GALNT10: variants seen among roughly 807,000 people sequenced by gnomAD.
GALNT10 encodes polypeptide N-acetylgalactosaminyltransferase 10.
In GALNT10, 41 loss-of-function variants were observed where a neutral mutation model predicts 75.0. The observed-to-expected ratio is 0.55, with a 90% CI of 0.43 to 0.71. The LOEUF (loss-of-function observed/expected upper bound fraction) is 0.71, where lower values mean the gene tolerates loss of function less well. Among genes scored for constraint, GALNT10 ranks in the 30% least tolerant of loss-of-function variants. The probability of loss-of-function intolerance (pLI) is 0.00; values close to 1 mark genes in which losing one functional copy is unlikely to be tolerated. For synonymous variants in GALNT10, 302 were observed against 313.0 expected (o/e 0.96, Z 0.37); for missense variants, 727 against 818.5 (o/e 0.89, Z 1.36).
Position 154,257,171 on chromosome 5 carries a change from C to T in GALNT10, c.160-37645C>T, listed in dbSNP as rs568534495. On this transcript the variant is annotated intron_variant, in intron 1 of 11. Transcript: ENST00000297107. ...CAGGTTAAGCAATTGCCCAAAGCTA[C>T]TTATCTAGCCAGTTGCAAAGTCCAA... Among the ~76,000 whole-genome samples, 262 of 152,266 alleles carry T rather than the reference C, an allele frequency of 1.7e-3. 1 individual carries two copies. The highest frequency in any genetic ancestry group is 6.0e-3 in the African/African-American group (249 of 41,548).
Position 154,255,455 on chromosome 5 carries a change from T to G in GALNT10, c.160-39361T>G, listed in dbSNP as rs567577311. On this transcript the variant is annotated intron_variant, in intron 1 of 11. Transcript: ENST00000297107. ...AGAGATGTGATATCATGAGGTCATG[T>G]ATTGGTTGCACCTGATAGAACTTTT... Among the ~76,000 whole-genome samples, 14 of 152,264 alleles carry G rather than the reference T, an allele frequency of 9.2e-5. No individual in the cohort carries two copies. In the East Asian group the frequency reaches 2.7e-3, roughly 30 times the overall value.
At chr5:154,331,021 C>G (rs796394797) in intron 4 of GALNT10, among the ~76,000 whole-genome samples, 10 of 152,156 alleles carry the variant, frequency 6.6e-5, no homozygotes, top group African/African-American at 2.4e-4. Flanking sequence ...CATTCTCGTG[C>G]TACCCTTTAC....
In GALNT10 at chr5:154,341,601, T is replaced by G. The variant is rs542072430; in HGVS notation, c.568+11863T>G. Among the ~76,000 whole-genome samples the G allele has an allele frequency of 8.5e-5, 13 of 152,234 alleles. No individual in the cohort carries two copies. In the South Asian group the frequency reaches 1.5e-3, roughly 17 times the overall value. ...GGCTCTGTTAATAGAAAACTCAAACTAACAATTACTTCCCAGAGCCTCCAC... is the reference window on the plus strand; with the variant it reads ...GGCTCTGTTAATAGAAAACTCAAACGAACAATTACTTCCCAGAGCCTCCAC... On this transcript the variant is annotated intron_variant, in intron 4 of 11. Coordinates refer to ENST00000297107, the MANE Select transcript of GALNT10 (RefSeq NM_198321.4).
rs1756579816 is a variant in GALNT10 at position 154,419,163 on chromosome 5, G to C, written c.*2191G>C. On this transcript the variant is annotated 3_prime_UTR_variant, in exon 12 of 12. Coordinates refer to ENST00000297107, the MANE Select transcript of GALNT10 (RefSeq NM_198321.4). ...TAATGTCTCATTTCAAGCAGGAGAT[G>C]TTGGGTCTGGAGCAAGATCTGAGAC... The C allele has an allele frequency of 6.6e-6, 1 of 151,822 alleles. No homozygotes were observed. Among genetic ancestry groups the C allele is most frequent in the Non-Finnish European group, 1.5e-5 (1 of 67,992 alleles). The allele number at this position is 151,822 out of a possible 1,614,324, so 9.4% of individuals were successfully genotyped here. A position where few individuals can be genotyped will look rare whatever the true frequency, so the allele number is the denominator to read the frequency against.
chr5:154,294,977 TG>T, intron 2 of GALNT10, 59 bp downstream of exon 2: 2 of 66,498 alleles, frequency 3.0e-5, no homozygotes, highest in South Asian at 3.3e-4. Context: ...CACATATGCT[TG>T]TGTGTGTGTG....
chr5:154,369,878 C>T (rs564699442), intron 4 of GALNT10, among the ~76,000 whole-genome samples: 2 of 152,330 alleles, frequency 1.3e-5, no homozygotes, highest in Admixed American at 6.5e-5. Flanking sequence ...CTCTTCTTCC[C>T]TCTTGGGCTG....
At chr5:154,288,039 A>G (rs1754139118) in intron 1 of GALNT10, among the ~76,000 whole-genome samples, 1 of 152,102 alleles carries the variant, frequency 6.6e-6, no homozygotes, top group South Asian at 2.1e-4. Flanking sequence ...TTTAAACCTC[A>G]AAGCAAAATC....
chr5:154,248,241 A>G (rs1158658408), intron 1 of GALNT10, among the ~76,000 whole-genome samples: 1 of 152,182 alleles, frequency 6.6e-6, no homozygotes, highest in Non-Finnish European at 1.5e-5. Context: ...TTTTGCATTG[A>G]TGTTCATCAG....
chr5:154,412,837 T>C lies in GALNT10; in HGVS notation c.1387-52T>C, dbSNP rs1031965996. 1 of 1,232,818 alleles carries C rather than the reference T, an allele frequency of 8.1e-7. No homozygotes were observed. The allele number at this position is 1,232,818 out of a possible 1,614,324, so 76.4% of individuals were successfully genotyped here. A position where few individuals can be genotyped will look rare whatever the true frequency, so the allele number is the denominator to read the frequency against. ...CCCCTTTCACCTGGCAGGGACCCGG[T>C]GGGCACCTTAAGGCACCTCAGTGGT... On this transcript the variant is annotated intron_variant, in intron 9 of 11. Coordinates refer to ENST00000297107, the MANE Select transcript of GALNT10 (RefSeq NM_198321.4). This position sits in a 1 kb window ranked among gnomAD's most constrained non-coding sequence, Gnocchi z 4.2.
chr5:154,313,532 A>G (rs1018615061), intron 3 of GALNT10, among the ~76,000 whole-genome samples: 3 of 152,166 alleles, frequency 2.0e-5, no homozygotes, highest in African/African-American at 7.2e-5. Flanking sequence ...AATAAGAATA[A>G]ACCTCTGTGT....
intron 1 of GALNT10, among the ~76,000 whole-genome samples, chr5:154,242,210 G>A (rs1440835642): frequency 6.6e-6 from 1 of 152,144 alleles, no homozygotes; most frequent in Non-Finnish European, 1.5e-5. Context: ...AGTCTAATTC[G>A]ATGAGTCTTT....
chr5:154,262,636 T>C (rs2443524), intron 1 of GALNT10, among the ~76,000 whole-genome samples: 37,150 of 151,984 alleles, frequency 0.24, 5,527 homozygotes, highest in African/African-American at 0.42. Flanking sequence ...GAACAGAAGC[T>C]TTAAGAGGTT....
At chr5:154,214,557 T>C (rs1752835556) in intron 1 of GALNT10, among the ~76,000 whole-genome samples, 1 of 151,686 alleles carries the variant, frequency 6.6e-6, no homozygotes, top group African/African-American at 2.4e-5. Context: ...AAGGGACTAA[T>C]TTTTTTCTTT....
intron 1 of GALNT10, among the ~76,000 whole-genome samples, chr5:154,246,893 G>T (rs1303423928): frequency 6.6e-6 from 1 of 152,218 alleles, no homozygotes; most frequent in African/African-American, 2.4e-5. Context: ...CCATGCCTAC[G>T]TCTTGAATGG....
At chr5:154,193,164 G>T (rs1251290559) in intron 1 of GALNT10, among the ~76,000 whole-genome samples, 1 of 151,904 alleles carries the variant, frequency 6.6e-6, no homozygotes, top group Non-Finnish European at 1.5e-5. Context: ...TGGGGGTTTG[G>T]GGGGAATACC....
At position 154,353,225 on chromosome 5, in the gene GALNT10, A is replaced by T. The variant is rs12110315; in HGVS notation, c.569-23052A>T. On this transcript the variant is annotated intron_variant, in intron 4 of 11. Coordinates refer to ENST00000297107, the MANE Select transcript of GALNT10 (RefSeq NM_198321.4). ...GTGGAGTTCAAGGTGAATTCTGTTT[A>T]TGTTTTGGGTTGTGGTGGAGCTAGT... Among the ~76,000 whole-genome samples, 231 of 152,240 alleles carry T rather than the reference A, an allele frequency of 1.5e-3. 2 individuals are homozygous for T. Among genetic ancestry groups the T allele is most frequent in the African/African-American group, 5.5e-3 (227 of 41,558 alleles).
chr5:154,222,617 C>T (rs1753000298), intron 1 of GALNT10, among the ~76,000 whole-genome samples: 1 of 152,188 alleles, frequency 6.6e-6, no homozygotes, highest in Admixed American at 6.5e-5. Flanking sequence ...GCATCCTCAC[C>T]AACACTTAGA....
chr5:154,349,024 A>G (rs1012886111), intron 4 of GALNT10, among the ~76,000 whole-genome samples: 6 of 152,090 alleles, frequency 3.9e-5, no homozygotes, highest in Non-Finnish European at 8.8e-5. Flanking sequence ...AATAGATCCT[A>G]AGGGGGTGGC....
rs116252746 is a variant in GALNT10 at position 154,393,692 on chromosome 5, T to C, written c.1056+7262T>C. 8.3e-3 allele frequency among the ~76,000 whole-genome samples: 1,262 copies of C among 152,114 alleles called. 14 individuals are homozygous for C. The highest frequency in any genetic ancestry group is 0.03 in the African/African-American group (1,226 of 41,480). On this transcript the variant is annotated intron_variant, in intron 7 of 11. Transcript: ENST00000297107. The stretch of plus-strand genomic sequence containing the variant: ...CTAAAAAAAAGTTCTTTTAATTAGC[T>C]GGGCATGGTGGTGTGCTGCGTGCCT...
Sources: gnomAD v4.1 joint callset for allele counts (sites outside exome capture counted in the v4.1 genomes callset) on GRCh38, gnomAD v4.1.1 for gene constraint, Gnocchi (gnomAD v3.1) non-coding constraint, MANE v1.5 for transcripts, NCBI Gene and HGNC (gene_info 2026-07-23, HGNC 2026-07-21) for gene names.